ANKRD13A: variants seen among roughly 807,000 people sequenced by gnomAD.
ANKRD13A encodes ankyrin repeat domain 13A, also known as ankyrin repeat domain-containing protein 13A.
In ANKRD13A, 48 loss-of-function variants were observed where a neutral mutation model predicts 81.3. The observed-to-expected ratio is 0.59, with a 90% CI of 0.47 to 0.75. The LOEUF is 0.75. ANKRD13A is among the 30% of genes least tolerant of loss of function. ANKRD13A has a pLI of 0.00. For synonymous variants in ANKRD13A, 230 were observed against 270.1 expected (o/e 0.85, Z 1.45); for missense variants, 612 against 734.0 (o/e 0.83, Z 1.92).
intron 6 of ANKRD13A, chr12:110,021,074 G>A (rs747035934): frequency 1.3e-5 from 6 of 455,466 alleles, no homozygotes. Flanking sequence ...TTGTACCGAG[G>A]ACTAAGGCAC....
At chr12:110,002,529 T>C (rs1260871990) in intron 1 of ANKRD13A, among the ~76,000 whole-genome samples, 2 of 152,070 alleles carry the variant, frequency 1.3e-5, no homozygotes, top group Non-Finnish European at 2.9e-5. Context: ...GGCAGGAGAA[T>C]CGCTTGAATC....
intron 13 of ANKRD13A, among the ~76,000 whole-genome samples, chr12:110,035,915 T>TA (rs1430298522): frequency 6.6e-6 from 1 of 152,058 alleles, no homozygotes; most frequent in Non-Finnish European, 1.5e-5. Context: ...ACCCTGTCTC[T>TA]AAAAAAACAA....
intron 7 of ANKRD13A, 100 bp from the exon 8 acceptor site, chr12:110,025,642 T>C (rs1891278586): frequency 1.2e-6 from 1 of 805,472 alleles, no homozygotes. Flanking sequence ...TTTTGCTGGA[T>C]TGTTTTCTGT....
intron 13 of ANKRD13A, among the ~76,000 whole-genome samples, chr12:110,035,842 G>A (rs1892010799): frequency 6.6e-6 from 1 of 152,078 alleles, no homozygotes; most frequent in South Asian, 2.1e-4. Context: ...CTTGTGCCCT[G>A]GGGTCAAGGC....
Position 110,007,681 on chromosome 12 carries a change from GTTC to G in ANKRD13A, c.97-4318_97-4316del, listed in dbSNP as rs765562002. The stretch of plus-strand genomic sequence containing the variant: ...AGGTGTGAGCCACCACACCAGGCCA[GTTC>G]TTCTTTAATTTTTTTTAAACAATGT... On this transcript the variant is annotated intron_variant, in intron 1 of 14. Transcript: ENST00000261739. 9.8e-4 allele frequency among the ~76,000 whole-genome samples: 149 copies of G among 152,256 alleles called. 1 individual carries two copies. Among genetic ancestry groups the G allele is most frequent in the Middle Eastern group, 3.4e-3 (1 of 294 alleles).
chr12:110,018,222 CG>C lies in ANKRD13A; in HGVS notation c.401-122del. On this transcript the variant is annotated intron_variant, in intron 4 of 14. Coordinates refer to ENST00000261739, the MANE Select transcript of ANKRD13A (RefSeq NM_033121.2). The surrounding 1 kb of genome is among the most constrained non-coding windows in gnomAD (Gnocchi z 4.4). The stretch of plus-strand genomic sequence containing the variant: ...TGGTAAATATGAAAGCCAAGAAGTC[CG>C]TTGTTTGATGGTCACCATCTTGCCA... The C allele has an allele frequency of 1.0e-6, 1 of 982,692 alleles. No homozygotes were observed. Among genetic ancestry groups the C allele is most frequent in the Non-Finnish European group, 1.5e-6 (1 of 680,560 alleles). 60.9% of individuals were successfully genotyped at this position (982,692 alleles called of 1,614,324 possible). A position where few individuals can be genotyped will look rare whatever the true frequency, so the allele number is the denominator to read the frequency against.
chr12:110,000,030 T>C (rs1889868134), intron 1 of ANKRD13A, among the ~76,000 whole-genome samples: 1 of 152,210 alleles, frequency 6.6e-6, no homozygotes, highest in South Asian at 2.1e-4. Flanking sequence ...ACTTTTCCAC[T>C]GGACAGAGAA....
chr12:110,015,217 A>C (rs998416379), intron 3 of ANKRD13A, among the ~76,000 whole-genome samples: 4 of 152,246 alleles, frequency 2.6e-5, no homozygotes, highest in African/African-American at 9.6e-5. Context: ...GTTTCAGAGG[A>C]AAGTGGAGAA....
chr12:110,018,497 CT>C lies in ANKRD13A; in HGVS notation c.544+11del, dbSNP rs1890908275. 1 of 1,613,144 alleles carries C rather than the reference CT, an allele frequency of 6.2e-7. No individual in the cohort carries two copies. The highest frequency in any genetic ancestry group is 1.3e-5 in the African/African-American group (1 of 74,876). On this transcript the variant is annotated intron_variant, in intron 5 of 14. Coordinates refer to ENST00000261739, the MANE Select transcript of ANKRD13A (RefSeq NM_033121.2). The surrounding 1 kb of genome is among the most constrained non-coding windows in gnomAD (Gnocchi z 4.4). ...TATATTTAAGGGAGAAGGTGAGTGACTTCTCTTGTAGTAATCACTGCTCAAG... is the reference window on the plus strand; with the variant it reads ...TATATTTAAGGGAGAAGGTGAGTGACTCTCTTGTAGTAATCACTGCTCAAG...
chr12:110,019,760 T>C (rs920723281), intron 6 of ANKRD13A, among the ~76,000 whole-genome samples: 7 of 152,122 alleles, frequency 4.6e-5, no homozygotes, highest in African/African-American at 1.7e-4. Context: ...ACACTTACTA[T>C]ATAGTTAAAT....
chr12:110,027,885 C>G (rs182034791), intron 9 of ANKRD13A, 119 bp downstream of exon 9: 4 of 889,484 alleles, frequency 4.5e-6, no homozygotes, highest in East Asian at 5.0e-5. Flanking sequence ...AAAGATACCC[C>G]CAAGCTGGAA....
intron 8 of ANKRD13A, 75 bp downstream of exon 8, chr12:110,025,898 G>A (rs956088106): frequency 1.0e-5 from 13 of 1,296,412 alleles, no homozygotes; most frequent in African/African-American, 7.4e-5. Flanking sequence ...TGTTGGCTCT[G>A]TTAAGTTTAG....
In ANKRD13A at chr12:110,036,341, C is replaced by T. The variant is rs1173974787; in HGVS notation, c.1577+13C>T. The T allele has an allele frequency of 1.2e-5, 20 of 1,613,268 alleles. No homozygotes were observed. The Admixed American group carries it at 1.8e-4, about 15-fold the overall frequency. ...CCCAGTATGAGAGGTGATTGACTGA[C>T]GTGACTCTGGAATAAACCAGGGTGA... On this transcript the variant is annotated intron_variant, in intron 14 of 14. Coordinates refer to ENST00000261739, the MANE Select transcript of ANKRD13A (RefSeq NM_033121.2). This position sits in a 1 kb window ranked among gnomAD's most constrained non-coding sequence, Gnocchi z 4.6.
chr12:110,017,279 G>A (rs1329932835), intron 4 of ANKRD13A, among the ~76,000 whole-genome samples: 1 of 152,044 alleles, frequency 6.6e-6, no homozygotes, highest in Non-Finnish European at 1.5e-5. Context: ...TTCCTTATGT[G>A]GTTTAGCTTG....
chr12:110,002,784 G>GT (rs1441838257), intron 1 of ANKRD13A, among the ~76,000 whole-genome samples: 1 of 152,048 alleles, frequency 6.6e-6, no homozygotes, highest in Non-Finnish European at 1.5e-5. Flanking sequence ...TTTTTTCCAG[G>GT]TTTTTTGTTC....
intron 13 of ANKRD13A, among the ~76,000 whole-genome samples, chr12:110,035,009 T>G (rs1292506702): frequency 6.6e-6 from 1 of 152,120 alleles, no homozygotes; most frequent in South Asian, 2.1e-4. Flanking sequence ...TTAGTGCTTG[T>G]GTAATGTGAG....
At chr12:110,023,699 C>A in intron 6 of ANKRD13A, 1 of 218,142 alleles carries the variant, frequency 4.6e-6, no homozygotes, top group South Asian at 9.2e-5. Context: ...TGGTTACCAC[C>A]TTGTGGCAAG....
In ANKRD13A at chr12:110,018,638, C is replaced by A; in HGVS notation, c.544+150C>A. 1.1e-6 allele frequency: 1 copy of A among 942,592 alleles called. No homozygotes were observed. Among genetic ancestry groups the A allele is most frequent in the Non-Finnish European group, 1.6e-6 (1 of 644,240 alleles). The allele number at this position is 942,592 out of a possible 1,614,324, so 58.4% of individuals were successfully genotyped here. On this transcript the variant is annotated intron_variant, in intron 5 of 14. Coordinates refer to ENST00000261739, the MANE Select transcript of ANKRD13A (RefSeq NM_033121.2). This position sits in a 1 kb window ranked among gnomAD's most constrained non-coding sequence, Gnocchi z 4.4. Reference sequence around the variant, plus strand: ...TTATTCTTATTAATTATTCAGCTCTCCATCCCTGTCTTCGTTCTTGTCTGG... The same window carrying A: ...TTATTCTTATTAATTATTCAGCTCTACATCCCTGTCTTCGTTCTTGTCTGG...
chr12:110,022,766 G>A (rs1891143439), intron 6 of ANKRD13A, among the ~76,000 whole-genome samples: 1 of 152,198 alleles, frequency 6.6e-6, no homozygotes, highest in African/African-American at 2.4e-5. Context: ...TTATTAATCA[G>A]TTGAGTCTGG....
Sources: gnomAD v4.1 joint callset for allele counts (sites outside exome capture counted in the v4.1 genomes callset) on GRCh38, gnomAD v4.1.1 for gene constraint, Gnocchi (gnomAD v3.1) non-coding constraint, MANE v1.5 for transcripts, NCBI Gene and HGNC (gene_info 2026-07-23, HGNC 2026-07-21) for gene names.